Variants in POTEJ observed in about 807,000 individuals in gnomAD.
POTEJ encodes the protein POTE ankyrin domain family member J, also known as POTE ankyrin domain family, member J.
A neutral mutation model predicts 69.0 loss-of-function variants in POTEJ; 11 were observed. The observed-to-expected ratio is 0.16, with a 90% CI of 0.10 to 0.26. The LOEUF (loss-of-function observed/expected upper bound fraction) is 0.26. Ranked by LOEUF, POTEJ falls within the 10% of genes least tolerant of loss-of-function variation. The probability of loss-of-function intolerance (pLI) is 1.00; values close to 1 mark genes in which losing one functional copy is unlikely to be tolerated. For missense variants in POTEJ, 327 were observed against 1,045.5 expected (o/e 0.31, Z 9.48); for synonymous variants, 117 against 381.1 (o/e 0.31, Z 8.07).
At chr2:130,632,808 A>G (rs546672825) in intron 9 of POTEJ, among the ~76,000 whole-genome samples, 152 bp downstream of exon 9, 1 of 143,926 alleles carries the variant, frequency 6.9e-6, no homozygotes, top group Admixed American at 6.9e-5. Context: ...GCGAACAATG[A>G]GTTACCATTT....
At chr2:130,640,237 G>A (rs975436262) in intron 10 of POTEJ, among the ~76,000 whole-genome samples, 1 of 143,104 alleles carries the variant, frequency 7.0e-6, no homozygotes, top group Non-Finnish European at 1.5e-5. Context: ...AGCAGCAAGT[G>A]CAGAAGACAA....
At chr2:130,642,841 C>T (rs1451054078) in intron 10 of POTEJ, among the ~76,000 whole-genome samples, 32 of 151,346 alleles carry the variant, frequency 2.1e-4, no homozygotes, top group African/African-American at 5.9e-4. Flanking sequence ...CTTGCTGCTG[C>T]GTGGCATGCC....
intron 6 of POTEJ, among the ~76,000 whole-genome samples, chr2:130,624,531 T>C (rs1326427287): frequency 6.6e-6 from 1 of 151,934 alleles, no homozygotes; most frequent in African/African-American, 2.4e-5. Context: ...CTGATCTGAC[T>C]GGAGGCAGAG....
At chr2:130,633,170 C>G (rs1284047965) in intron 9 of POTEJ, among the ~76,000 whole-genome samples, 4 of 141,954 alleles carry the variant, frequency 2.8e-5, no homozygotes. Context: ...CATTAGTTTG[C>G]TTAGGATAAT....
At chr2:130,656,048 T>G (rs970271855) in intron 14 of POTEJ, among the ~76,000 whole-genome samples, 2 of 144,798 alleles carry the variant, frequency 1.4e-5, no homozygotes, top group Admixed American at 1.4e-4. Flanking sequence ...CGGTAAAATG[T>G]TCTTCAGTAA....
intron 13 of POTEJ, among the ~76,000 whole-genome samples, chr2:130,648,251 TATA>T (rs1203764970): frequency 4.1e-5 from 6 of 146,814 alleles, no homozygotes; most frequent in Non-Finnish European, 6.0e-5. Context: ...GCCATATGTG[TATA>T]ATTTTTATAA....
chr2:130,640,832 A>G (rs1440422247), intron 10 of POTEJ, among the ~76,000 whole-genome samples: 2 of 152,222 alleles, frequency 1.3e-5, no homozygotes, highest in Admixed American at 6.5e-5. Context: ...AAATATCCCA[A>G]TAGACTTATG....
intron 3 of POTEJ, among the ~76,000 whole-genome samples, chr2:130,619,216 T>A (rs1399202871): frequency 6.7e-6 from 1 of 150,354 alleles, no homozygotes; most frequent in African/African-American, 2.5e-5. Context: ...AGTATGGCCC[T>A]CTCAGGATTT....
At chr2:130,640,322 T>C (rs562321944) in intron 10 of POTEJ, among the ~76,000 whole-genome samples, 1 of 141,528 alleles carries the variant, frequency 7.1e-6, no homozygotes, top group East Asian at 1.9e-4. Context: ...ATACCAGAGG[T>C]TGGGAGTGAG....
At chr2:130,636,511 C>T (rs112937671) in intron 9 of POTEJ, among the ~76,000 whole-genome samples, 4 of 146,258 alleles carry the variant, frequency 2.7e-5, no homozygotes, top group African/African-American at 1.0e-4. Flanking sequence ...AGCAGAGACT[C>T]TTCTGGCCAT....
chr2:130,642,893 C>T (rs554855333), intron 10 of POTEJ, among the ~76,000 whole-genome samples: 1 of 150,774 alleles, frequency 6.6e-6, no homozygotes, highest in African/African-American at 2.5e-5. Flanking sequence ...TCTGGCTAGT[C>T]TCAATATTTA....
At position 130,641,062 on chromosome 2, in the gene POTEJ, G is replaced by C. The variant is rs555720734; in HGVS notation, c.1369+2373G>C. Among the ~76,000 whole-genome samples the C allele has an allele frequency of 1.3e-4, 20 of 152,120 alleles. No individual in the cohort carries two copies. In the East Asian group the frequency reaches 2.7e-3, roughly 21 times the overall value. On this transcript the variant is annotated intron_variant, in intron 10 of 14. Transcript: ENST00000409602. ...TGGTCTCTGTCATATCTACTTAACC[G>C]TGCTGTTGTCTGCTGTTGTAGTGTG... is the stretch of plus-strand genomic sequence containing the variant.
In POTEJ at chr2:130,639,124, G is replaced by A. The variant is rs868727250; in HGVS notation, c.1369+435G>A. ...TAGAGGCTGCAATATGAGCCATAAG[G>A]AGTGGCTGTAAATACAGATGAAGCT... On this transcript the variant is annotated intron_variant, in intron 10 of 14. Coordinates refer to ENST00000409602, the MANE Select transcript of POTEJ (RefSeq NM_001277083.2). 2.8e-4 allele frequency among the ~76,000 whole-genome samples: 42 copies of A among 152,382 alleles called. No homozygotes were observed. In the South Asian group the frequency reaches 7.5e-3, roughly 27 times the overall value.
chr2:130,629,439 G>C (rs1487448554), intron 6 of POTEJ, among the ~76,000 whole-genome samples: 1 of 143,404 alleles, frequency 7.0e-6, no homozygotes. Context: ...CTGAGGGGAA[G>C]GGGAGACAGT....
chr2:130,655,612 A>G (rs1465517671), intron 14 of POTEJ, among the ~76,000 whole-genome samples: 4 of 152,160 alleles, frequency 2.6e-5, no homozygotes, highest in Admixed American at 6.5e-5. Flanking sequence ...AGTTCAGTAT[A>G]TTTCCCCTAT....
chr2:130,630,816 A>T (rs1395967995), intron 7 of POTEJ, among the ~76,000 whole-genome samples: 5 of 145,280 alleles, frequency 3.4e-5, no homozygotes, highest in Admixed American at 2.0e-4. Flanking sequence ...GGACTTAAGC[A>T]GATAATCTGG....
intron 1 of POTEJ, among the ~76,000 whole-genome samples, chr2:130,613,455 G>T (rs1395917423): frequency 2.1e-5 from 3 of 142,190 alleles, no homozygotes; most frequent in African/African-American, 5.4e-5. Context: ...AAGCTGGAGT[G>T]CAGTGGTGTG....
Position 130,657,115 on chromosome 2 carries a change from C to T in POTEJ, c.2355C>T (p.Ile785=), listed in dbSNP as rs1687032983. The T allele has an allele frequency of 6.4e-7, 1 of 1,569,414 alleles. No homozygotes were observed. Among genetic ancestry groups the T allele is most frequent in the Non-Finnish European group, 8.7e-7 (1 of 1,148,824 alleles). The part of the protein sequence containing the change: ...PKANREKMTQ[I]MFETFNTPAM... The stretch of plus-strand genomic sequence containing the variant: ...CCAACCGCGAGAAGATGACCCAGAT[C>T]ATGTTTGAGACCTTCAACACCCCAG... Residue 785 remains isoleucine, a synonymous_variant, in exon 15 of 15, where the codon ATC becomes ATT. Transcript: ENST00000409602.
chr2:130,615,607 G>A lies in POTEJ; in HGVS notation c.411-1183G>A, dbSNP rs1259919299. On this transcript the variant is annotated intron_variant, in intron 1 of 14. Coordinates refer to ENST00000409602, the MANE Select transcript of POTEJ (RefSeq NM_001277083.2). ...GAACACACACTGGGGCCTATCAGAG[G>A]GTGGAGGGTGGGAAGAGGGAAAGAA... is the stretch of plus-strand genomic sequence containing the variant. Among the ~76,000 whole-genome samples, 7 of 141,082 alleles carry A rather than the reference G, an allele frequency of 5.0e-5. 2 individuals carry two copies. The highest frequency in any genetic ancestry group is 8.7e-5 in the African/African-American group (3 of 34,644). 92.6% of individuals were successfully genotyped at this position (141,082 alleles called of 152,430 possible).
Sources: allele counts gnomAD v4.1 joint callset (sites outside exome capture counted in the v4.1 genomes callset), GRCh38; gene constraint gnomAD v4.1.1; transcripts MANE v1.5; gene names NCBI Gene and HGNC (gene_info 2026-07-23, HGNC 2026-07-21).